PCDHGA1: variants seen among roughly 807,000 people sequenced by gnomAD.
The protein encoded by PCDHGA1 is protocadherin gamma-A1.
In PCDHGA1, 32 loss-of-function variants were observed where a neutral mutation model predicts 58.0. The observed-to-expected ratio is 0.55, with a 90% confidence interval of 0.42 to 0.74. The LOEUF (loss-of-function observed/expected upper bound fraction) is 0.74, where lower values mean the gene tolerates loss of function less well. Ranked by LOEUF, PCDHGA1 falls within the 30% of genes least tolerant of loss-of-function variation. The probability of loss-of-function intolerance (pLI) is 0.00; values close to 1 mark genes in which losing one functional copy is unlikely to be tolerated. For missense variants in PCDHGA1, 1,205 were observed against 1,182.3 expected (o/e 1.02, Z -0.28); for synonymous variants, 498 against 501.1 (o/e 0.99, Z 0.08).
chr5:141,404,849 C>G, intron 1 of PCDHGA1: 1 of 1,613,862 alleles, frequency 6.2e-7, no homozygotes, highest in Non-Finnish European at 8.5e-7. Context: ...TCGGGCCCTG[C>G]TAGATAGAGA....
chr5:141,419,776 C>A (rs965350189), intron 1 of PCDHGA1: 3 of 1,613,908 alleles, frequency 1.9e-6, no homozygotes, highest in African/African-American at 2.7e-5. Flanking sequence ...ACTCGGTCCG[C>A]CAGCGCCTGC....
chr5:141,490,611 G>A lies in PCDHGA1; in HGVS notation c.2422-4196G>A, dbSNP rs1442281165. 1 of 1,614,052 alleles carries A rather than the reference G, an allele frequency of 6.2e-7. No homozygotes were observed. The highest frequency in any genetic ancestry group is 1.3e-5 in the African/African-American group (1 of 74,914). On this transcript the variant is annotated intron_variant, in intron 1 of 3. Coordinates refer to ENST00000517417, the MANE Select transcript of PCDHGA1 (RefSeq NM_018912.3). This position sits in a 1 kb window ranked among gnomAD's most constrained non-coding sequence, Gnocchi z 5.4. ...ACAATGCACCCCGCTTCAACCAGCA[G>A]CTTTACACTGCTTACATCCTAGAAA...
intron 1 of PCDHGA1, chr5:141,376,319 G>C: frequency 3.7e-6 from 6 of 1,614,220 alleles, no homozygotes; most frequent in Non-Finnish European, 4.2e-6. Context: ...CGTGGAAGGG[G>C]TTCGGGCTTT....
intron 1 of PCDHGA1, among the ~76,000 whole-genome samples, chr5:141,425,922 A>G (rs1485934946): frequency 6.6e-6 from 1 of 152,240 alleles, no homozygotes; most frequent in Non-Finnish European, 1.5e-5. Context: ...TCACTACGAA[A>G]ACTCATAAAA....
At chr5:141,435,052 T>C (rs922871138) in intron 1 of PCDHGA1, among the ~76,000 whole-genome samples, 1 of 152,174 alleles carries the variant, frequency 6.6e-6, no homozygotes, top group African/African-American at 2.4e-5. Context: ...CCATTGACCA[T>C]GCAGCAGTTT....
Position 141,330,620 on chromosome 5 carries a change from G to T in PCDHGA1, c.-65G>T. 2 of 1,498,416 alleles carry T rather than the reference G, an allele frequency of 1.3e-6. No individual in the cohort carries two copies. The highest frequency in any genetic ancestry group is 1.4e-5 in the South Asian group (1 of 72,878). The allele number at this position is 1,498,416 out of a possible 1,614,324, so 92.8% of individuals were successfully genotyped here. A position where few individuals can be genotyped will look rare whatever the true frequency, so the allele number is the denominator to read the frequency against. On this transcript the variant is annotated 5_prime_UTR_variant, in exon 1 of 4. Transcript: ENST00000517417. ...TCTCCTGAAAATTGGGTTAATTTCA[G>T]CTCAGAAAAGCAGAAACGATACCCT...
chr5:141,411,752 C>T (rs2095512204), intron 1 of PCDHGA1: 1 of 152,734 alleles, frequency 6.5e-6, no homozygotes. Context: ...TGTGGTGGCA[C>T]ATGCCTGTGG....
intron 1 of PCDHGA1, chr5:141,342,200 A>G (rs1757134756): frequency 6.6e-6 from 1 of 152,190 alleles, no homozygotes; most frequent in South Asian, 2.1e-4. Flanking sequence ...GCTTAAAGAA[A>G]AGATACAAAA....
At chr5:141,400,234 G>A (rs749957043) in intron 1 of PCDHGA1, 11 of 1,613,984 alleles carry the variant, frequency 6.8e-6, no homozygotes, top group East Asian at 6.7e-5. Flanking sequence ...CCTCCTGGCC[G>A]TGATTCTGGC....
intron 1 of PCDHGA1, chr5:141,344,673 G>T: frequency 3.1e-6 from 5 of 1,613,990 alleles, no homozygotes; most frequent in Non-Finnish European, 3.4e-6. Context: ...TGTCCTGGTT[G>T]CCTCTGATGG....
chr5:141,465,966 C>CA (rs2099113454), intron 1 of PCDHGA1, among the ~76,000 whole-genome samples: 1 of 151,802 alleles, frequency 6.6e-6, no homozygotes, highest in Non-Finnish European at 1.5e-5. Flanking sequence ...ACTAAAAATA[C>CA]AAAAAATTAG....
chr5:141,415,736 T>G, intron 1 of PCDHGA1: 1 of 1,289,978 alleles, frequency 7.8e-7, no homozygotes, highest in South Asian at 1.8e-5. Context: ...TGATGTTTAT[T>G]AAGGTTTTTT....
chr5:141,376,631 G>A (rs1250313764), intron 1 of PCDHGA1: 5 of 1,182,416 alleles, frequency 4.2e-6, no homozygotes, highest in East Asian at 2.7e-5. Context: ...AGGAAGATTC[G>A]TGATTTTGTA....
At position 141,332,985 on chromosome 5, in the gene PCDHGA1, C is replaced by A; in HGVS notation, c.2301C>A (p.His767Gln). 1 of 1,614,210 alleles carries A rather than the reference C, an allele frequency of 6.2e-7. No homozygotes were observed. Among genetic ancestry groups the A allele is most frequent in the Non-Finnish European group, 8.5e-7 (1 of 1,180,052 alleles). The change falls in exon 1 of 4, where the codon CAC (histidine) becomes CAA (glutamine). Residue 767 changes from histidine to glutamine, a missense_variant. Transcript: ENST00000517417. This position sits in a 1 kb window ranked among gnomAD's most constrained non-coding sequence, Gnocchi z 4.6. ...VSLTADSRKS[H>Q]LIFPQPNYAD... ...TCACTGCGGACTCGCGGAAGAGCCACCTGATTTTCCCCCAGCCCAACTATG... is the reference window on the plus strand; with the variant it reads ...TCACTGCGGACTCGCGGAAGAGCCAACTGATTTTCCCCCAGCCCAACTATG...
intron 1 of PCDHGA1, chr5:141,388,264 A>G (rs1054125491): frequency 1.3e-6 from 2 of 1,598,302 alleles, no homozygotes; most frequent in African/African-American, 2.9e-5. Context: ...GAGGACATTA[A>G]TGACCACACG....
intron 1 of PCDHGA1, chr5:141,441,954 CA>C (rs1240871171): frequency 3.1e-6 from 1 of 319,488 alleles, no homozygotes; most frequent in Non-Finnish European, 6.0e-6. Flanking sequence ...TGCAGGCCAG[CA>C]AGCCCAGGCT....
At chr5:141,417,256 C>G (rs985322130) in intron 1 of PCDHGA1, 1 of 152,096 alleles carries the variant, frequency 6.6e-6, no homozygotes, top group Non-Finnish European at 1.5e-5. Flanking sequence ...CTTCCAGCTT[C>G]ATAGATAATT....
intron 1 of PCDHGA1, among the ~76,000 whole-genome samples, chr5:141,349,528 T>C (rs966849031): frequency 1.3e-5 from 2 of 152,244 alleles, no homozygotes; most frequent in Non-Finnish European, 2.9e-5. Flanking sequence ...GGAAAGATTA[T>C]CTATATTTTA....
chr5:141,357,552 T>C (rs761940200), intron 1 of PCDHGA1: 4 of 1,613,800 alleles, frequency 2.5e-6, no homozygotes, highest in South Asian at 2.2e-5. Context: ...GCCGGGAGAG[T>C]TGTGAGAAAA....
Sources: allele counts gnomAD v4.1 joint callset (sites outside exome capture counted in the v4.1 genomes callset), GRCh38; gene constraint gnomAD v4.1.1; non-coding constraint Gnocchi (gnomAD v3.1); transcripts MANE v1.5; gene names NCBI Gene and HGNC (gene_info 2026-07-23, HGNC 2026-07-21).